B4GALT6: variants seen among roughly 807,000 people sequenced by gnomAD.
The protein encoded by B4GALT6 is UDP-Gal:beta-GlcNAc beta-1,4-galactosyltransferase 6.
B4GALT6 carries 14 observed loss-of-function variants against 46.3 expected under a neutral mutation model. The ratio of observed to expected loss-of-function variants is 0.30; its 90% CI spans 0.20 to 0.47. The LOEUF (loss-of-function observed/expected upper bound fraction) is 0.47, where lower values mean the gene tolerates loss of function less well. Ranked by LOEUF, B4GALT6 falls within the 20% of genes least tolerant of loss-of-function variation. The probability of loss-of-function intolerance (pLI) is 0.99; values close to 1 mark genes in which losing one functional copy is unlikely to be tolerated. For synonymous variants in B4GALT6, 168 were observed against 162.0 expected (o/e 1.04, Z -0.28); for missense variants, 386 against 480.1 (o/e 0.80, Z 1.83).
chr18:31,714,938 T>C, the B4GALT6 span, among the ~76,000 whole-genome samples: 1 of 152,200 alleles, frequency 6.6e-6, no homozygotes, highest in South Asian at 2.1e-4. Context: ...TTGCCAGCTT[T>C]AACAAGTGAA....
chr18:31,650,644 CTAATA>C (rs2074053218), intron 3 of B4GALT6, among the ~76,000 whole-genome samples: 1 of 152,186 alleles, frequency 6.6e-6, no homozygotes, highest in African/African-American at 2.4e-5. Flanking sequence ...TCTGGGCTCT[CTAATA>C]TATTTTCATG....
intron 1 of B4GALT6, among the ~76,000 whole-genome samples, chr18:31,671,410 T>C (rs1167447895): frequency 6.6e-6 from 1 of 152,176 alleles, no homozygotes; most frequent in African/African-American, 2.4e-5. Context: ...CAGCATCTGT[T>C]GTTTCCTGAC....
intron 2 of B4GALT6, among the ~76,000 whole-genome samples, chr18:31,661,240 A>T (rs2144662884): frequency 6.6e-6 from 1 of 152,326 alleles, no homozygotes; most frequent in East Asian, 1.9e-4. Flanking sequence ...AGGATAGGAA[A>T]AATTGGGGTG....
At chr18:31,628,340 G>A (rs1408823682) in intron 6 of B4GALT6, among the ~76,000 whole-genome samples, 3 of 152,162 alleles carry the variant, frequency 2.0e-5, no homozygotes, top group Non-Finnish European at 4.4e-5. Flanking sequence ...ACATCAGATG[G>A]ATTATTCTTG....
chr18:31,701,091 T>C, the B4GALT6 span, among the ~76,000 whole-genome samples: 1 of 152,352 alleles, frequency 6.6e-6, no homozygotes, highest in East Asian at 1.9e-4. Context: ...ATGGTTTGGA[T>C]CTGTGTTCCT....
the B4GALT6 span, among the ~76,000 whole-genome samples, chr18:31,707,842 T>C: frequency 5.1e-4 from 77 of 152,334 alleles, no homozygotes; most frequent in African/African-American, 1.9e-3. Context: ...TATACATATA[T>C]ACATACATAT....
intron 3 of B4GALT6, among the ~76,000 whole-genome samples, chr18:31,651,182 C>T (rs964167949): frequency 6.6e-6 from 1 of 152,126 alleles, no homozygotes; most frequent in South Asian, 2.1e-4. Context: ...ATCTACCACC[C>T]CCTCAACCTG....
chr18:31,690,755 G>A (rs2030080797), upstream of B4GALT6, among the ~76,000 whole-genome samples: 1 of 152,178 alleles, frequency 6.6e-6, no homozygotes, highest in South Asian at 2.1e-4. Context: ...ACAGGTGTGA[G>A]CCACCATGCC....
At chr18:31,669,778 G>C (rs773170134) in intron 1 of B4GALT6, among the ~76,000 whole-genome samples, 1 of 152,050 alleles carries the variant, frequency 6.6e-6, no homozygotes, top group East Asian at 1.9e-4. Flanking sequence ...AATGACACCT[G>C]GTTTGCAGCA....
chr18:31,709,208 T>G, the B4GALT6 span, among the ~76,000 whole-genome samples: 57 of 152,076 alleles, frequency 3.7e-4, 1 homozygote, highest in South Asian at 1.0e-2. Flanking sequence ...GAAAAAGAAC[T>G]TTTAAAAATT....
At chr18:31,674,563 G>T (rs2074394754) in intron 1 of B4GALT6, among the ~76,000 whole-genome samples, 2 of 152,216 alleles carry the variant, frequency 1.3e-5, no homozygotes, top group Non-Finnish European at 2.9e-5. Flanking sequence ...TGTGAATCAG[G>T]TATCTCTTTC....
At chr18:31,670,819 G>A (rs564947225) in intron 1 of B4GALT6, among the ~76,000 whole-genome samples, 1 of 151,936 alleles carries the variant, frequency 6.6e-6, no homozygotes, top group African/African-American at 2.4e-5. Flanking sequence ...GGTTACATAG[G>A]TTTACACATG....
chr18:31,716,879 C>T, the B4GALT6 span, among the ~76,000 whole-genome samples: 3 of 152,168 alleles, frequency 2.0e-5, no homozygotes, highest in Non-Finnish European at 2.9e-5. Context: ...GCAGGTGGAT[C>T]ACTTGAGGTC....
At chr18:31,640,507 T>C (rs1478025288) in intron 4 of B4GALT6, among the ~76,000 whole-genome samples, 1 of 152,194 alleles carries the variant, frequency 6.6e-6, no homozygotes, top group African/African-American at 2.4e-5. Context: ...TTAATGCTGA[T>C]GGGATAGCAA....
chr18:31,673,510 G>A (rs971487537), intron 1 of B4GALT6, among the ~76,000 whole-genome samples: 1 of 152,104 alleles, frequency 6.6e-6, no homozygotes, highest in African/African-American at 2.4e-5. Context: ...GGGACAAAGT[G>A]GAAGGCAACA....
At chr18:31,686,440 T>C (rs912461242), upstream of B4GALT6, 2 of 152,176 alleles carry the variant, frequency 1.3e-5, no homozygotes, top group Admixed American at 6.5e-5. Flanking sequence ...AATACCCCCT[T>C]GCAAGGCTGT....
chr18:31,639,825 G>T (rs931432997), intron 4 of B4GALT6, among the ~76,000 whole-genome samples: 1 of 152,112 alleles, frequency 6.6e-6, no homozygotes, highest in Non-Finnish European at 1.5e-5. Context: ...TATATAAAAT[G>T]TTTTAGTGTA....
At chr18:31,686,503 G>A (rs2029924914), upstream of B4GALT6, 1 of 152,232 alleles carries the variant, frequency 6.6e-6, no homozygotes, top group Non-Finnish European at 1.5e-5. Flanking sequence ...TGGGACGTAA[G>A]AGGTTCCTTA....
chr18:31,640,930 G>C (rs773280656), intron 4 of B4GALT6, among the ~76,000 whole-genome samples: 2 of 152,250 alleles, frequency 1.3e-5, no homozygotes, highest in East Asian at 1.9e-4. Context: ...AAAGAGGTTA[G>C]ATGGTGAGTA....
Sources: allele counts gnomAD v4.1 joint callset (sites outside exome capture counted in the v4.1 genomes callset), GRCh38; gene constraint gnomAD v4.1.1; transcripts MANE v1.5; gene names NCBI Gene and HGNC (gene_info 2026-07-23, HGNC 2026-07-21).